PRELID2: variants seen among roughly 807,000 people sequenced by gnomAD.
The protein encoded by PRELID2 is PRELI domain-containing protein 2.
PRELID2 carries 25 observed loss-of-function variants against 28.4 expected under a neutral mutation model. The observed-to-expected ratio is 0.88, with a 90% CI of 0.64 to 1.23. The LOEUF is 1.23. Among genes scored for constraint, PRELID2 ranks in the 50% most tolerant of loss-of-function variants. The pLI is 0.00. For missense variants in PRELID2, 201 were observed against 214.4 expected (o/e 0.94, Z 0.39); for synonymous variants, 76 against 71.6 (o/e 1.06, Z -0.31).
chr5:145,400,246 A>G, the PRELID2 span, among the ~76,000 whole-genome samples: 3 of 152,136 alleles, frequency 2.0e-5, no homozygotes, highest in Non-Finnish European at 4.4e-5. Flanking sequence ...ATAATATAAA[A>G]TAAATCCTTT....
intron 1 of PRELID2, among the ~76,000 whole-genome samples, chr5:145,510,523 C>G (rs565169636): frequency 1.3e-5 from 2 of 152,216 alleles, no homozygotes; most frequent in Admixed American, 1.3e-4. Flanking sequence ...TTGGCTCTGG[C>G]CACATGCTTG....
chr5:145,229,559 T>C, the PRELID2 span: 82 of 1,476,842 alleles, frequency 5.6e-5, no homozygotes, highest in African/African-American at 1.0e-3. Context: ...CCAGACCTCC[T>C]TGGAGCTCTT....
chr5:145,420,146 G>A, the PRELID2 span, among the ~76,000 whole-genome samples: 14 of 152,114 alleles, frequency 9.2e-5, no homozygotes, highest in African/African-American at 3.4e-4. Context: ...TTGTAGTATA[G>A]TTTGAAGTCA....
chr5:145,795,400 T>A (rs1302714789), intron 5 of PRELID2: 1 of 152,104 alleles, frequency 6.6e-6, no homozygotes, highest in Non-Finnish European at 1.5e-5. Context: ...GAACACATCA[T>A]CAATCACAAC....
intron 1 of PRELID2, chr5:145,728,589 A>T (rs1756244423): frequency 1.1e-6 from 1 of 904,884 alleles, no homozygotes; most frequent in Admixed American, 1.7e-5. Flanking sequence ...GGCAATTAAC[A>T]CATTTAGCAA....
chr5:145,313,359 C>T, the PRELID2 span, among the ~76,000 whole-genome samples: 13 of 152,182 alleles, frequency 8.5e-5, no homozygotes, highest in African/African-American at 2.6e-4. Context: ...ATATGTTTGC[C>T]TTCTTAATTT....
chr5:145,730,397 A>G (rs1756304508), intron 1 of PRELID2, among the ~76,000 whole-genome samples: 1 of 152,224 alleles, frequency 6.6e-6, no homozygotes, highest in Non-Finnish European at 1.5e-5. Flanking sequence ...AGCAGCACTA[A>G]TAACTAGCAC....
chr5:145,749,131 T>C (rs1299511617), intron 1 of PRELID2, among the ~76,000 whole-genome samples: 1 of 151,978 alleles, frequency 6.6e-6, no homozygotes, highest in Admixed American at 6.6e-5. Flanking sequence ...AAATGGGATC[T>C]AATTAAAGAG....
At chr5:145,492,343 T>TAATACTCCCTTCTC (rs1389027055) in intron 1 of PRELID2, among the ~76,000 whole-genome samples, 3 of 143,540 alleles carry the variant, frequency 2.1e-5, no homozygotes, top group Non-Finnish European at 3.2e-5. Context: ...AAATGTCTAT[T>TAATACTCCCTTCTC]CAGGTCCTTT....
chr5:145,257,149 ACT>A, the PRELID2 span, among the ~76,000 whole-genome samples: 2 of 151,884 alleles, frequency 1.3e-5, no homozygotes, highest in African/African-American at 4.8e-5. Flanking sequence ...AAGGCTATTG[ACT>A]CTTTAAGGAG....
the PRELID2 span, among the ~76,000 whole-genome samples, chr5:145,405,699 G>GTTTTTTTTTTTTTTTTTTTTTTTT: frequency 1.1e-4 from 5 of 45,992 alleles, 1 homozygote; most frequent in Admixed American, 3.2e-4. Context: ...GTACCACATA[G>GTTTTTTTTTTTTTTTTTTTTTTTT]TTGTTTTTTT....
At chr5:145,356,826 T>C in the PRELID2 span, among the ~76,000 whole-genome samples, 1 of 152,180 alleles carries the variant, frequency 6.6e-6, no homozygotes, top group Non-Finnish European at 1.5e-5. Context: ...GCATACTTGA[T>C]TATGTGGTTG....
At chr5:145,652,325 C>G (rs370992854) in intron 1 of PRELID2, among the ~76,000 whole-genome samples, 131 of 152,334 alleles carry the variant, frequency 8.6e-4, no homozygotes, top group African/African-American at 3.0e-3. Context: ...TTGGAAAACA[C>G]TCTGCAGGAT....
intron 1 of PRELID2, among the ~76,000 whole-genome samples, chr5:145,636,676 G>A (rs1754007134): frequency 6.6e-6 from 1 of 152,166 alleles, no homozygotes; most frequent in Non-Finnish European, 1.5e-5. Context: ...CTATCCACCA[G>A]AAGAAGTAGA....
the PRELID2 span, among the ~76,000 whole-genome samples, chr5:145,440,149 TTAAA>T: frequency 3.9e-5 from 6 of 152,042 alleles, no homozygotes; most frequent in Non-Finnish European, 8.8e-5. Context: ...GATGAACCGT[TTAAA>T]TAAGACCTGG....
intron 1 of PRELID2, among the ~76,000 whole-genome samples, chr5:145,748,353 A>G (rs1365877549): frequency 6.6e-6 from 1 of 152,236 alleles, no homozygotes; most frequent in Non-Finnish European, 1.5e-5. Context: ...GAGCCAAATC[A>G]TGAATGAACT....
the PRELID2 span, among the ~76,000 whole-genome samples, chr5:145,348,748 T>C: frequency 1.3e-5 from 2 of 152,128 alleles, no homozygotes; most frequent in African/African-American, 2.4e-5. Flanking sequence ...TGTTCATGCA[T>C]TTCTTGCAAA....
At chr5:145,771,259 AG>A (rs1368423564) in intron 5 of PRELID2, among the ~76,000 whole-genome samples, 1 of 152,138 alleles carries the variant, frequency 6.6e-6, no homozygotes, top group Non-Finnish European at 1.5e-5. Context: ...TTTATAGCCT[AG>A]GAACAACTGG....
chr5:145,653,662 C>G (rs973335286), intron 1 of PRELID2, among the ~76,000 whole-genome samples: 1 of 152,040 alleles, frequency 6.6e-6, no homozygotes, highest in Non-Finnish European at 1.5e-5. Context: ...GGGTACATAA[C>G]GAAATGAAGG....
Sources: allele counts gnomAD v4.1 joint callset (sites outside exome capture counted in the v4.1 genomes callset), GRCh38; gene constraint gnomAD v4.1.1; transcripts MANE v1.5; gene names NCBI Gene and HGNC (gene_info 2026-07-23, HGNC 2026-07-21).